SLC18B1: variants seen among roughly 807,000 people sequenced by gnomAD.
The protein encoded by SLC18B1 is solute carrier family 18 member B1.
SLC18B1 carries 62 observed loss-of-function variants against 53.9 expected under a neutral mutation model. That is an observed-to-expected ratio of 1.15 (90% CI 0.94 to 1.42). The LOEUF (loss-of-function observed/expected upper bound fraction) is 1.42. Among genes scored for constraint, SLC18B1 ranks in the 40% most tolerant of loss-of-function variants. The pLI, the probability that SLC18B1 is intolerant of heterozygous loss-of-function variation, is 0.00. For missense variants in SLC18B1, 598 were observed against 547.3 expected, an observed-to-expected ratio of 1.09 and a Z score of -0.93; for synonymous variants, 217 against 200.9, an observed-to-expected ratio of 1.08 and a Z score of -0.68.
intron 5 of SLC18B1, 85 bp downstream of exon 5, chr6:132,787,349 A>G: frequency 7.5e-7 from 1 of 1,337,772 alleles, no homozygotes; most frequent in South Asian, 1.7e-5. Context: ...CAAGTATAGA[A>G]GAATGGACCC....
chr6:132,789,910 T>C lies in SLC18B1; in HGVS notation c.280-73A>G, dbSNP rs139115095. The C allele has an allele frequency of 2.0e-4, 207 of 1,031,232 alleles. 4 individuals are homozygous for C. The African/African-American group carries it at 2.8e-3, about 14-fold the overall frequency. The allele number at this position is 1,031,232 out of a possible 1,614,324, so 63.9% of individuals were successfully genotyped here. On this transcript the variant is annotated intron_variant, in intron 3 of 13. Coordinates refer to ENST00000275227, the MANE Select transcript of SLC18B1 (RefSeq NM_052831.3). ...TCTATATTGATATAAACAAATCCAC[T>C]GTATTGGCAAATATAGGATAGGGGA...
intron 6 of SLC18B1, among the ~76,000 whole-genome samples, chr6:132,781,547 A>G (rs1030506377): frequency 2.0e-5 from 3 of 152,172 alleles, no homozygotes; most frequent in African/African-American, 7.2e-5. Flanking sequence ...TCACGAGGGT[A>G]GGAGTTCGAG....
At position 132,793,110 on chromosome 6, in the gene SLC18B1, G is replaced by A. The variant is rs116103500; in HGVS notation, c.184-2838C>T. Among the ~76,000 whole-genome samples, 1,210 of 151,554 alleles carry A rather than the reference G, an allele frequency of 8.0e-3. 18 individuals carry two copies. Among genetic ancestry groups the A allele is most frequent in the African/African-American group, 0.028 (1,170 of 41,096 alleles). On this transcript the variant is annotated intron_variant, in intron 2 of 13. Coordinates refer to ENST00000275227, the MANE Select transcript of SLC18B1 (RefSeq NM_052831.3). Reference sequence around the variant, plus strand: ...CACTCCAGCCTGGGCATGATGGAACGAGGCTCTGTCTCAATAAATAAATAA... The same window carrying A: ...CACTCCAGCCTGGGCATGATGGAACAAGGCTCTGTCTCAATAAATAAATAA...
rs771512461 is a variant in SLC18B1 at position 132,789,776 on chromosome 6, G to C, written c.341C>G (p.Thr114Arg). The C allele has an allele frequency of 1.9e-6, 3 of 1,612,524 alleles. No individual in the cohort carries two copies. The highest frequency in any genetic ancestry group is 1.7e-6 in the Non-Finnish European group (2 of 1,178,736). ...GAAAATGACTTACCCAAAGAGAATT[G>C]TAACTCCTCCTGAGACAAACATTCC... is the stretch of plus-strand genomic sequence containing the variant. ...VAGMFVSGGV[T>R]ILFGVLDRVP... Residue 114 changes from threonine to arginine, a missense_variant, in exon 4 of 14, where the codon ACA (threonine) becomes AGA (arginine). By Grantham distance (71) the Thr-to-Arg change is moderately conservative. Transcript: ENST00000275227.
chr6:132,782,322 T>C (rs1781259624), intron 6 of SLC18B1, among the ~76,000 whole-genome samples: 1 of 152,186 alleles, frequency 6.6e-6, no homozygotes, highest in Non-Finnish European at 1.5e-5. Flanking sequence ...TAAAACATTA[T>C]ATTTTGATAT....
chr6:132,798,637 T>A lies in SLC18B1; in HGVS notation c.-181A>T, dbSNP rs1582878921. 8.7e-6 allele frequency: 4 copies of A among 458,564 alleles called. No homozygotes were observed. The highest frequency in any genetic ancestry group is 1.3e-5 in the Non-Finnish European group (4 of 312,610). The allele number at this position is 458,564 out of a possible 1,614,324, so 28.4% of individuals were successfully genotyped here. A position where few individuals can be genotyped will look rare whatever the true frequency, so the allele number is the denominator to read the frequency against. ...AGCTCCCCAAAGCCTTCCAGGACTC[T>A]GGGTCCCCGGGAGGAGGCCGGGGGC... On this transcript the variant is annotated 5_prime_UTR_variant, in exon 1 of 14. Transcript: ENST00000275227.
At chr6:132,793,034 T>C (rs2114687355) in intron 2 of SLC18B1, among the ~76,000 whole-genome samples, 1 of 152,206 alleles carries the variant, frequency 6.6e-6, no homozygotes, top group East Asian at 1.9e-4. Context: ...GGCGGGAGAA[T>C]TGTTTGAACT....
chr6:132,797,796 C>CA (rs1261996588), intron 1 of SLC18B1, among the ~76,000 whole-genome samples: 6 of 148,814 alleles, frequency 4.0e-5, no homozygotes, highest in African/African-American at 1.5e-4. Flanking sequence ...TTTTTTTTAC[C>CA]CTAATTACTG....
At chr6:132,785,657 C>T (rs931433275) in intron 5 of SLC18B1, among the ~76,000 whole-genome samples, 1 of 152,118 alleles carries the variant, frequency 6.6e-6, no homozygotes, top group East Asian at 1.9e-4. Flanking sequence ...TCTTGCTGAT[C>T]AGAAAATCCA....
intron 9 of SLC18B1, 99 bp downstream of exon 9, chr6:132,774,123 A>T: frequency 1.5e-6 from 1 of 668,786 alleles, no homozygotes; most frequent in Non-Finnish European, 2.5e-6. Context: ...TTTAAATATT[A>T]ATGTTCAAAA....
At chr6:132,788,160 CAAAAAAAAGAAAAAGAAAAA>C (rs899157543) in intron 4 of SLC18B1, among the ~76,000 whole-genome samples, 5 of 104,808 alleles carry the variant, frequency 4.8e-5, no homozygotes, top group East Asian at 5.4e-4. Flanking sequence ...GACTCTGTCT[CAAAAAAAAGAAAAAGAAAAA>C]AAAAAAAAGA....
intron 2 of SLC18B1, among the ~76,000 whole-genome samples, chr6:132,793,594 T>A (rs148925342): frequency 6.6e-6 from 1 of 152,168 alleles, no homozygotes; most frequent in African/African-American, 2.4e-5. Flanking sequence ...GTCCCCCACA[T>A]CTCTTGCCTG....
Position 132,774,598 on chromosome 6 carries a change from G to A in SLC18B1, c.898-285C>T, listed in dbSNP as rs551362123. 5.3e-5 allele frequency among the ~76,000 whole-genome samples: 8 copies of A among 152,048 alleles called. No individual in the cohort carries two copies. In the South Asian group the frequency reaches 6.2e-4, roughly 12 times the overall value. On this transcript the variant is annotated intron_variant, in intron 8 of 13. Transcript: ENST00000275227. ...GATGAACTATTACAAATATAACAAC[G>A]AAAAAACTCATTATAAAAAGCAGTA...
rs376050621 is a variant in SLC18B1 at position 132,779,263 on chromosome 6, C to T, written c.795+5G>A. Reference sequence around the variant, plus strand: ...GCAGCACTCTTCAGCAATCAGGTAACTTACCTTCTCCAAAACAAAGAGAGA... The same window carrying T: ...GCAGCACTCTTCAGCAATCAGGTAATTTACCTTCTCCAAAACAAAGAGAGA... On this transcript the variant is annotated splice_donor_5th_base_variant and intron_variant, in intron 7 of 13. Transcript: ENST00000275227. 1.2e-6 allele frequency: 2 copies of T among 1,613,616 alleles called. No homozygotes were observed. Among genetic ancestry groups the T allele is most frequent in the African/African-American group, 1.3e-5 (1 of 74,882 alleles).
Position 132,787,957 on chromosome 6 carries a change from C to T in SLC18B1, c.354-376G>A, listed in dbSNP as rs530492887. 7.2e-5 allele frequency among the ~76,000 whole-genome samples: 11 copies of T among 151,962 alleles called. No individual in the cohort carries two copies. The South Asian group carries it at 2.1e-3, about 29-fold the overall frequency. Reference sequence around the variant, plus strand: ...CAGGCAAATCACGAAGTCAGGAGATCGAGACCATCCTGGCCAACACGGTGA... The same window carrying T: ...CAGGCAAATCACGAAGTCAGGAGATTGAGACCATCCTGGCCAACACGGTGA... On this transcript the variant is annotated intron_variant, in intron 4 of 13. Transcript: ENST00000275227.
Position 132,771,040 on chromosome 6 carries a change from A to G in SLC18B1, c.1250T>C (p.Ile417Thr). The change falls in exon 12 of 14, where the codon ATA (isoleucine) becomes ACA (threonine). Residue 417 changes from isoleucine (I) to threonine (T), a missense_variant. By Grantham distance (89) the Ile-to-Thr change is moderately conservative. Coordinates refer to ENST00000275227, the MANE Select transcript of SLC18B1 (RefSeq NM_052831.3). Reference protein sequence around the residue: ...AAAIQGLWALISGLAMGLFYL... With the variant: ...AAAIQGLWALTSGLAMGLFYL... ...AATAAAAGACTGATTACTCACACTT[A>G]TCAGAGCCCATAGACCTTGTATAGC... The G allele has an allele frequency of 2.5e-6, 4 of 1,613,906 alleles. No homozygotes were observed. Among genetic ancestry groups the G allele is most frequent in the East Asian group, 2.2e-5 (1 of 44,870 alleles).
chr6:132,780,121 G>C (rs1781196253), intron 6 of SLC18B1, among the ~76,000 whole-genome samples: 1 of 151,342 alleles, frequency 6.6e-6, no homozygotes, highest in Admixed American at 6.6e-5. Context: ...TTAAGAGATG[G>C]AGTGTCTTGC....
intron 5 of SLC18B1, 24 bp downstream of exon 5, chr6:132,787,410 G>A: frequency 6.5e-7 from 1 of 1,531,082 alleles, no homozygotes; most frequent in South Asian, 1.3e-5. Flanking sequence ...AAAGGAAAGT[G>A]GGAAATACTT....
At position 132,790,225 on chromosome 6, in the gene SLC18B1, T is replaced by A; in HGVS notation, c.231A>T (p.Gly77=). 3 of 1,579,008 alleles carry A rather than the reference T, an allele frequency of 1.9e-6. No homozygotes were observed. In the Admixed American group the frequency reaches 5.3e-5, roughly 28 times the overall value. Residue 77 remains glycine, a synonymous_variant, in exon 3 of 14, where the codon GGA becomes GGT. Coordinates refer to ENST00000275227, the MANE Select transcript of SLC18B1 (RefSeq NM_052831.3). ...ASNTIIGMIF[G]CFALFELLAS... The stretch of plus-strand genomic sequence containing the variant: ...CCAGCAACTCGAACAAAGCAAAACA[T>A]CCAAAGATCATACCGATAATTGTAT...
Sources: allele counts gnomAD v4.1 joint callset (sites outside exome capture counted in the v4.1 genomes callset), GRCh38; gene constraint gnomAD v4.1.1; transcripts MANE v1.5; gene names NCBI Gene and HGNC (gene_info 2026-07-23, HGNC 2026-07-21).